Variants in KCNH8 observed in about 807,000 individuals in gnomAD.
KCNH8 encodes voltage-gated delayed rectifier potassium channel KCNH8.
A neutral mutation model predicts 103.6 loss-of-function variants in KCNH8; 70 were observed. That is an observed-to-expected ratio of 0.68 (90% CI 0.56 to 0.82). KCNH8 has a LOEUF of 0.82. KCNH8 is among the 40% of genes least tolerant of loss of function. The pLI, the probability that KCNH8 is intolerant of heterozygous loss-of-function variation, is 0.00. For synonymous variants in KCNH8, 498 were observed against 489.4 expected (o/e 1.02, Z -0.23); for missense variants, 1,217 against 1,329.9 (o/e 0.92, Z 1.32).
chr3:19,294,788 G>A (rs1036719547), intron 3 of KCNH8, among the ~76,000 whole-genome samples: 6 of 152,066 alleles, frequency 3.9e-5, no homozygotes, highest in African/African-American at 1.2e-4. Flanking sequence ...ATAGGCTGTG[G>A]TAAGTACTAG....
chr3:19,440,050 TAA>T (rs915672047), intron 8 of KCNH8, among the ~76,000 whole-genome samples: 1 of 151,682 alleles, frequency 6.6e-6, no homozygotes, highest in Non-Finnish European at 1.5e-5. Flanking sequence ...GAAACAAACT[TAA>T]AAAGAGTAGA....
chr3:19,447,319 A>G (rs1379587993), intron 8 of KCNH8, among the ~76,000 whole-genome samples: 4 of 152,052 alleles, frequency 2.6e-5, no homozygotes, highest in Non-Finnish European at 4.4e-5. Flanking sequence ...AGACTTTGAA[A>G]TTGTGGTGAC....
chr3:19,175,577 A>C (rs2063391889), intron 1 of KCNH8, among the ~76,000 whole-genome samples: 1 of 152,286 alleles, frequency 6.6e-6, no homozygotes, highest in African/African-American at 2.4e-5. Context: ...GCTCCATAGA[A>C]TGGCAATGAA....
At chr3:19,258,191 C>G (rs962433446) in intron 2 of KCNH8, among the ~76,000 whole-genome samples, 3 of 151,998 alleles carry the variant, frequency 2.0e-5, no homozygotes, top group Admixed American at 1.3e-4. Flanking sequence ...TAAAATTCAA[C>G]CTAAAACATC....
intron 1 of KCNH8, among the ~76,000 whole-genome samples, chr3:19,246,262 T>TTTG (rs1169282699): frequency 4.1e-4 from 60 of 145,896 alleles, no homozygotes; most frequent in African/African-American, 8.3e-4. Context: ...AAGAAGTTTT[T>TTTG]TTGTTGTTGT....
chr3:19,391,134 C>A (rs1222481658), intron 6 of KCNH8, among the ~76,000 whole-genome samples: 1 of 152,004 alleles, frequency 6.6e-6, no homozygotes, highest in Non-Finnish European at 1.5e-5. Flanking sequence ...AATTCAACCG[C>A]TTCTTAGAAG....
intron 10 of KCNH8, 31 bp from the exon 11 acceptor site, chr3:19,456,737 T>G (rs750216604): frequency 1.3e-6 from 2 of 1,506,460 alleles, no homozygotes; most frequent in Non-Finnish European, 1.8e-6. Flanking sequence ...TGCTTTTTTT[T>G]TTTGAAAATG....
intron 5 of KCNH8, among the ~76,000 whole-genome samples, chr3:19,389,400 T>G (rs1333097083): frequency 6.6e-6 from 1 of 152,070 alleles, no homozygotes; most frequent in African/African-American, 2.4e-5. Flanking sequence ...CTCGATAATA[T>G]ATAACTAAAT....
chr3:19,441,909 C>A (rs1368167336), intron 8 of KCNH8, among the ~76,000 whole-genome samples: 2 of 152,182 alleles, frequency 1.3e-5, no homozygotes, highest in African/African-American at 2.4e-5. Context: ...AACAAACCTT[C>A]CCTCAAAGAG....
chr3:19,497,902 T>C (rs1395035293), intron 11 of KCNH8, among the ~76,000 whole-genome samples: 2 of 143,636 alleles, frequency 1.4e-5, no homozygotes, highest in Non-Finnish European at 3.1e-5. Flanking sequence ...CAAAAACTTC[T>C]TTATGAATCT....
intron 3 of KCNH8, 96 bp from the exon 4 acceptor site, chr3:19,342,491 A>G (rs1575541283): frequency 3.3e-6 from 4 of 1,229,280 alleles, no homozygotes; most frequent in Non-Finnish European, 4.4e-6. Context: ...ATTGGAAAAC[A>G]TGTACAATAT....
intron 2 of KCNH8, among the ~76,000 whole-genome samples, chr3:19,276,858 A>G (rs2064680288): frequency 6.6e-6 from 1 of 152,164 alleles, no homozygotes; most frequent in Admixed American, 6.5e-5. Context: ...ATTACCATGT[A>G]TATATCCCAA....
intron 1 of KCNH8, among the ~76,000 whole-genome samples, chr3:19,168,437 A>G (rs2063306946): frequency 1.3e-5 from 2 of 152,208 alleles, no homozygotes; most frequent in African/African-American, 4.8e-5. Flanking sequence ...TTTCCTTGAG[A>G]TTCATCCAAG....
chr3:19,425,000 A>T (rs1331364816), intron 7 of KCNH8, among the ~76,000 whole-genome samples: 1 of 152,182 alleles, frequency 6.6e-6, no homozygotes, highest in African/African-American at 2.4e-5. Flanking sequence ...ACACACACAG[A>T]GGAAGAGAAT....
chr3:19,279,682 A>T (rs539407124), intron 2 of KCNH8, among the ~76,000 whole-genome samples: 1 of 152,088 alleles, frequency 6.6e-6, no homozygotes, highest in Admixed American at 6.6e-5. Flanking sequence ...CACATCATAC[A>T]TCATCCAACC....
intron 11 of KCNH8, among the ~76,000 whole-genome samples, chr3:19,499,902 T>A (rs1169868039): frequency 6.6e-6 from 1 of 152,074 alleles, no homozygotes; most frequent in Admixed American, 6.6e-5. Context: ...AATAACCAGC[T>A]AACATCATAA....
chr3:19,418,540 A>C (rs1050481885), intron 7 of KCNH8, among the ~76,000 whole-genome samples: 1 of 152,170 alleles, frequency 6.6e-6, no homozygotes, highest in Non-Finnish European at 1.5e-5. Context: ...ACATCGTATA[A>C]AGCCCAAACA....
chr3:19,410,888 A>T (rs2066767065), intron 7 of KCNH8, among the ~76,000 whole-genome samples: 1 of 151,556 alleles, frequency 6.6e-6, no homozygotes, highest in East Asian at 1.9e-4. Context: ...CAAAAAAAAA[A>T]AAAAAAGCCC....
intron 5 of KCNH8, among the ~76,000 whole-genome samples, chr3:19,363,032 G>A (rs1009322081): frequency 2.0e-5 from 3 of 152,062 alleles, no homozygotes; most frequent in African/African-American, 7.2e-5. Context: ...CTAATCTTGG[G>A]ACTAAGATAC....
Sources: allele counts gnomAD v4.1 joint callset (sites outside exome capture counted in the v4.1 genomes callset), GRCh38; gene constraint gnomAD v4.1.1; transcripts MANE v1.5; gene names NCBI Gene and HGNC (gene_info 2026-07-23, HGNC 2026-07-21).